The following GLYATL1 variants were observed in gnomAD, a reference collection of about 807,000 sequenced individuals.
GLYATL1 encodes glycine-N-acyltransferase like 1.
In GLYATL1, 15 loss-of-function variants were observed where a neutral mutation model predicts 20.0. That is an observed-to-expected ratio of 0.75 (90% CI 0.50 to 1.15). The LOEUF is 1.15. GLYATL1 is among the 50% of genes most tolerant of loss of function. The pLI is 0.00. For synonymous variants in GLYATL1, 151 were observed against 131.5 expected, an observed-to-expected ratio of 1.15 and a Z score of -1.01; for missense variants, 380 against 368.5, an observed-to-expected ratio of 1.03 and a Z score of -0.26.
intron 1 of GLYATL1, among the ~76,000 whole-genome samples, chr11:58,921,036 G>A (rs1855297124): frequency 6.6e-6 from 1 of 152,138 alleles, no homozygotes; most frequent in African/African-American, 2.4e-5. Context: ...CCAAGTTTGG[G>A]GTCTGAATTA....
intron 1 of GLYATL1, among the ~76,000 whole-genome samples, chr11:58,906,307 G>A (rs1854882687): frequency 6.6e-6 from 1 of 152,184 alleles, no homozygotes; most frequent in African/African-American, 2.4e-5. Flanking sequence ...CATGGAGATC[G>A]TCTGGGTGTT....
At chr11:58,941,560 T>A (rs1293946114) in intron 1 of GLYATL1, among the ~76,000 whole-genome samples, 1 of 152,104 alleles carries the variant, frequency 6.6e-6, no homozygotes, top group Non-Finnish European at 1.5e-5. Flanking sequence ...ACTGGGTATA[T>A]ACCCAAAGGG....
At position 58,955,784 on chromosome 11, in the gene GLYATL1, C is replaced by T. The variant is rs761900837; in HGVS notation, c.666C>T (p.Thr222=). ...AGGGAGTCCCGGTCTCATGGGTAAC[C>T]ATGGACCCTTCTTGTGAAGTAGGAA... is the stretch of plus-strand genomic sequence containing the variant. ...GPEGVPVSWV[T]MDPSCEVGMA... The change falls in exon 7 of 7, where the codon ACC becomes ACT. Residue 222 remains threonine, a synonymous_variant. Coordinates refer to ENST00000532726, the MANE Select transcript of GLYATL1 (RefSeq NM_001389712.2). 6.2e-7 allele frequency: 1 copy of T among 1,614,198 alleles called. No homozygotes were observed. The highest frequency in any genetic ancestry group is 8.5e-7 in the Non-Finnish European group (1 of 1,180,030).
chr11:58,947,857 G>A lies in GLYATL1; in HGVS notation c.79-1G>A, dbSNP rs769080752. 6.2e-7 allele frequency: 1 copy of A among 1,605,200 alleles called. No individual in the cohort carries two copies. The highest frequency in any genetic ancestry group is 1.1e-5 in the South Asian group (1 of 90,900). On this transcript the variant is annotated splice_acceptor_variant, in intron 3 of 6. Transcript: ENST00000532726. LOFTEE classifies it high-confidence loss of function. ...CCTGGTCCCTTTCATCCCTCCTTCA[G>A]GTGTATGGCTCTGTGTATCACATCA... is the stretch of plus-strand genomic sequence containing the variant.
At chr11:58,930,986 C>T (rs1396384420) in intron 1 of GLYATL1, among the ~76,000 whole-genome samples, 2 of 152,158 alleles carry the variant, frequency 1.3e-5, no homozygotes, top group African/African-American at 4.8e-5. Flanking sequence ...ATCATGAGGG[C>T]TCTACATTAT....
intron 2 of GLYATL1, among the ~76,000 whole-genome samples, chr11:58,944,552 T>C (rs893803545): frequency 4.6e-5 from 7 of 152,214 alleles, no homozygotes; most frequent in Non-Finnish European, 5.9e-5. Flanking sequence ...TGGTACAAAC[T>C]AAAATTCTCA....
chr11:58,940,404 A>G (rs1856053635), intron 1 of GLYATL1, among the ~76,000 whole-genome samples: 1 of 152,248 alleles, frequency 6.6e-6, no homozygotes, highest in Non-Finnish European at 1.5e-5. Context: ...GTTCCAAGGT[A>G]AAAGCTATTG....
intron 1 of GLYATL1, among the ~76,000 whole-genome samples, chr11:58,942,944 A>T (rs1856273557): frequency 6.6e-6 from 1 of 152,192 alleles, no homozygotes; most frequent in Admixed American, 6.6e-5. Context: ...ATCTATTAAG[A>T]TGAGAAGCAA....
chr11:58,935,406 G>A (rs1855788520), upstream of GLYATL1: 2 of 152,206 alleles, frequency 1.3e-5, no homozygotes, highest in African/African-American at 4.8e-5. Flanking sequence ...GCTGCCTGGT[G>A]TTGTGGGAGG....
chr11:58,945,133 G>A (rs1443929528), intron 2 of GLYATL1, among the ~76,000 whole-genome samples: 1 of 151,340 alleles, frequency 6.6e-6, no homozygotes, highest in Admixed American at 6.6e-5. Flanking sequence ...CATTTAGGAT[G>A]ACAAAAAGGC....
intron 1 of GLYATL1, among the ~76,000 whole-genome samples, chr11:58,940,951 A>G (rs1441705935): frequency 2.0e-5 from 3 of 152,198 alleles, no homozygotes; most frequent in African/African-American, 7.2e-5. Flanking sequence ...TAGGTGAAAG[A>G]GCGAGACCCT....
intron 5 of GLYATL1, 93 bp downstream of exon 5, chr11:58,954,989 T>C (rs987470540): frequency 1.4e-6 from 2 of 1,384,302 alleles, no homozygotes. Flanking sequence ...TCATTAGAAA[T>C]GTAAATTCAC....
Position 58,945,622 on chromosome 11 carries a change from A to G in GLYATL1, c.-42-1424A>G, listed in dbSNP as rs138693722. On this transcript the variant is annotated intron_variant, in intron 2 of 6. Coordinates refer to ENST00000532726, the MANE Select transcript of GLYATL1 (RefSeq NM_001389712.2). ...ATTAAAACTTTTAAAATCTTGACCA[A>G]AAGCTCAAAGGAGAAGACAATAGTG... Among the ~76,000 whole-genome samples, 45 of 152,318 alleles carry G rather than the reference A, an allele frequency of 3.0e-4. 1 individual carries two copies. In the East Asian group the frequency reaches 7.9e-3, roughly 27 times the overall value.
chr11:58,932,390 A>G (rs964855617), intron 1 of GLYATL1, among the ~76,000 whole-genome samples: 3 of 152,154 alleles, frequency 2.0e-5, no homozygotes, highest in African/African-American at 7.2e-5. Context: ...CTATTATAAT[A>G]AGGGAGATTA....
intron 1 of GLYATL1, among the ~76,000 whole-genome samples, chr11:58,918,803 C>T (rs193204421): frequency 2.4e-3 from 361 of 152,304 alleles, no homozygotes; most frequent in Admixed American, 5.0e-3. Context: ...GCTGTTTTAT[C>T]AAGGTTTTGC....
chr11:58,955,849 T>A lies in GLYATL1; in HGVS notation c.731T>A (p.Met244Lys). The A allele has an allele frequency of 6.2e-7, 1 of 1,614,206 alleles. No individual in the cohort carries two copies. Among genetic ancestry groups the A allele is most frequent in the Non-Finnish European group, 8.5e-7 (1 of 1,180,042 alleles). The part of the protein sequence containing the change: ...SMEKYRRTGN[M>K]ARVMVRYMKY... Reference sequence around the variant, plus strand: ...GAAAAATACCGAAGGACAGGCAACATGGCACGAGTGATGGTGCGATACATG... The same window carrying A: ...GAAAAATACCGAAGGACAGGCAACAAGGCACGAGTGATGGTGCGATACATG... The change falls in exon 7 of 7, where the codon ATG becomes AAG. Residue 244 changes from methionine to lysine, a missense_variant. Met to Lys is a moderately conservative substitution (Grantham distance 95). Transcript: ENST00000532726.
At chr11:58,942,143 A>G (rs925859590) in intron 1 of GLYATL1, among the ~76,000 whole-genome samples, 1 of 152,216 alleles carries the variant, frequency 6.6e-6, no homozygotes, top group African/African-American at 2.4e-5. Context: ...ACAGAAAGGC[A>G]GATTAATGTT....
chr11:58,911,650 A>T (rs1855046903), downstream of GLYATL1, among the ~76,000 whole-genome samples: 1 of 152,132 alleles, frequency 6.6e-6, no homozygotes, highest in African/African-American at 2.4e-5. Flanking sequence ...GCCCATTTTT[A>T]TACTGGTTAG....
intron 1 of GLYATL1, chr11:58,928,839 A>G (rs1192411872): frequency 6.6e-6 from 1 of 152,238 alleles, no homozygotes; most frequent in African/African-American, 2.4e-5. Context: ...GGTTTAAAGT[A>G]AATACCATTA....
Sources: allele counts gnomAD v4.1 joint callset (sites outside exome capture counted in the v4.1 genomes callset), GRCh38; gene constraint gnomAD v4.1.1; transcripts MANE v1.5; gene names NCBI Gene and HGNC (gene_info 2026-07-23, HGNC 2026-07-21).